Variants in UPP2 observed in about 807,000 individuals in gnomAD.
UPP2 encodes the protein uridine phosphorylase 2, also known as UPase 2.
In UPP2, 23 loss-of-function variants were observed where a neutral mutation model predicts 26.7. The ratio of observed to expected loss-of-function variants is 0.86; its 90% CI spans 0.62 to 1.22. UPP2 has a LOEUF of 1.22. Ranked by LOEUF, UPP2 falls within the 50% of genes most tolerant of loss-of-function variation. The pLI, the probability that UPP2 is intolerant of heterozygous loss-of-function variation, is 0.00. For missense variants in UPP2, 387 were observed against 396.7 expected (o/e 0.98, Z 0.21); for synonymous variants, 127 against 141.3 (o/e 0.90, Z 0.72).
At chr2:158,059,853 C>T (rs926099738) in intron 3 of UPP2, among the ~76,000 whole-genome samples, 15 of 152,218 alleles carry the variant, frequency 9.9e-5, no homozygotes, top group African/African-American at 3.6e-4. Context: ...ACCTTTCATC[C>T]TTCAAGGGCT....
intron 2 of UPP2, among the ~76,000 whole-genome samples, chr2:158,110,241 G>A (rs938821475): frequency 6.6e-6 from 1 of 152,094 alleles, no homozygotes; most frequent in African/African-American, 2.4e-5. Context: ...ACCTATGAGT[G>A]AGAACATGCG....
intron 6 of UPP2, chr2:158,134,102 T>A (rs917239580): frequency 6.6e-6 from 1 of 152,368 alleles, no homozygotes; most frequent in East Asian, 1.9e-4. Flanking sequence ...CTATAAGATT[T>A]CATTCTCATT....
At chr2:158,051,843 TA>T (rs1470817285) in intron 3 of UPP2, among the ~76,000 whole-genome samples, 2 of 152,158 alleles carry the variant, frequency 1.3e-5, no homozygotes, top group Non-Finnish European at 2.9e-5. Context: ...ATGCTATTCA[TA>T]TACAACATTT....
chr2:158,106,655 A>G (rs183149912), intron 2 of UPP2, among the ~76,000 whole-genome samples: 215 of 152,284 alleles, frequency 1.4e-3, no homozygotes, highest in African/African-American at 4.8e-3. Context: ...ATTATCTAAT[A>G]TTTCATATTA....
chr2:158,069,494 A>G (rs1486384000), intron 3 of UPP2, among the ~76,000 whole-genome samples: 1 of 152,186 alleles, frequency 6.6e-6, no homozygotes, highest in Non-Finnish European at 1.5e-5. Flanking sequence ...CTCCTACAGT[A>G]GGGGTGACTC....
In UPP2 at chr2:158,066,397, T is replaced by C. The variant is rs181048357; in HGVS notation, c.148-35643T>C. The stretch of plus-strand genomic sequence containing the variant: ...TATTTGCTTGCCAGAATCTTATCAA[T>C]ATATAAGAAAATTAGGAAGATTAGG... On this transcript the variant is annotated intron_variant, in intron 3 of 9. Transcript: ENST00000605860. Among the ~76,000 whole-genome samples, 266 of 152,340 alleles carry C rather than the reference T, an allele frequency of 1.7e-3. No homozygotes were observed. The Middle Eastern group carries it at 0.02, about 12-fold the overall frequency.
intron 3 of UPP2, among the ~76,000 whole-genome samples, chr2:158,017,264 A>C (rs1272868174): frequency 2.0e-5 from 3 of 152,122 alleles, no homozygotes; most frequent in Non-Finnish European, 4.4e-5. Context: ...ACTTTTATGG[A>C]GTGTGTCCTA....
intron 3 of UPP2, among the ~76,000 whole-genome samples, chr2:158,041,469 CTCTTT>C (rs10563166): frequency 0.29 from 43,709 of 151,766 alleles, 7,143 homozygotes; most frequent in African/African-American, 0.46. Flanking sequence ...CCCCGAGAGT[CTCTTT>C]TAATTCTCTG....
intron 3 of UPP2, among the ~76,000 whole-genome samples, chr2:158,056,502 C>A (rs540421006): frequency 6.6e-6 from 1 of 152,246 alleles, no homozygotes; most frequent in South Asian, 2.1e-4. Context: ...AATGTATTGT[C>A]TTACAGAGGC....
At position 158,041,186 on chromosome 2, in the gene UPP2, A is replaced by AT. The variant is rs569665038; in HGVS notation, c.147+25308dup. On this transcript the variant is annotated intron_variant, in intron 3 of 9. Transcript: ENST00000605860. Reference sequence around the variant, plus strand: ...AGAGAAATCACTTGAAACAAGAAGCATTTTTTTTACAATAAATGGTATTTT... The same window carrying AT: ...AGAGAAATCACTTGAAACAAGAAGCATTTTTTTTTACAATAAATGGTATTTT... 1.0e-3 allele frequency among the ~76,000 whole-genome samples: 157 copies of AT among 152,014 alleles called. 1 individual carries two copies. The South Asian group carries it at 0.016, about 15-fold the overall frequency.
Position 158,047,625 on chromosome 2 carries a change from C to CA in UPP2, c.147+31746dup, listed in dbSNP as rs565960695. Among the ~76,000 whole-genome samples the CA allele has an allele frequency of 9.2e-5, 14 of 152,022 alleles. No individual in the cohort carries two copies. The East Asian group carries it at 1.9e-3, about 21-fold the overall frequency. On this transcript the variant is annotated intron_variant, in intron 3 of 9. Coordinates refer to the UPP2 transcript ENST00000605860. The stretch of plus-strand genomic sequence containing the variant: ...AGCACCACTCCTTAGTGTCATATGT[C>CA]AAAAAAATGCACTTCATTATCAGTA...
chr2:158,016,484 A>T (rs1341279751), intron 3 of UPP2, among the ~76,000 whole-genome samples: 6 of 151,874 alleles, frequency 4.0e-5, no homozygotes, highest in Non-Finnish European at 5.9e-5. Flanking sequence ...GGGATTATAG[A>T]CACCCGCCAC....
chr2:158,054,671 T>C (rs1682219335), intron 3 of UPP2, among the ~76,000 whole-genome samples: 1 of 152,194 alleles, frequency 6.6e-6, no homozygotes, highest in African/African-American at 2.4e-5. Context: ...CACTGCCTTT[T>C]CCAGAAACAT....
chr2:158,067,522 G>T (rs1682456949), intron 3 of UPP2, among the ~76,000 whole-genome samples: 1 of 152,046 alleles, frequency 6.6e-6, no homozygotes, highest in Non-Finnish European at 1.5e-5. Flanking sequence ...AATTTGTAAA[G>T]GAATATGGAA....
At chr2:158,121,338 A>G in intron 4 of UPP2, 71 bp from the exon 5 acceptor site, 1 of 1,348,688 alleles carries the variant, frequency 7.4e-7, no homozygotes. Flanking sequence ...TACTAGAATA[A>G]GTTACATACT....
chr2:158,084,004 CT>C (rs1362877507), intron 3 of UPP2, among the ~76,000 whole-genome samples: 2 of 151,410 alleles, frequency 1.3e-5, no homozygotes, highest in Admixed American at 1.3e-4. Flanking sequence ...ATAATGACTT[CT>C]TTTCCTCTGA....
Position 158,058,885 on chromosome 2 carries a change from G to A in UPP2, c.147+42999G>A, listed in dbSNP as rs116233621. 3.1e-3 allele frequency among the ~76,000 whole-genome samples: 476 copies of A among 152,262 alleles called. 3 individuals are homozygous for A. Among genetic ancestry groups the A allele is most frequent in the African/African-American group, 0.011 (455 of 41,538 alleles). ...GGAAGCTGAGAGGGAGAAGAGAGTTGCAGGCACAATGCCTATGAAAAAGGC... is the reference window on the plus strand; with the variant it reads ...GGAAGCTGAGAGGGAGAAGAGAGTTACAGGCACAATGCCTATGAAAAAGGC... On this transcript the variant is annotated intron_variant, in intron 3 of 9. Transcript: ENST00000605860.
intron 3 of UPP2, among the ~76,000 whole-genome samples, chr2:158,091,273 T>A (rs935053468): frequency 6.6e-6 from 1 of 152,110 alleles, no homozygotes; most frequent in African/African-American, 2.4e-5. Flanking sequence ...ACTACAAAAT[T>A]GAAATTATAG....
At chr2:157,996,078 G>C (rs1683320778) in intron 2 of UPP2, among the ~76,000 whole-genome samples, 1 of 152,064 alleles carries the variant, frequency 6.6e-6, no homozygotes, top group Non-Finnish European at 1.5e-5. Context: ...AAATCTATTT[G>C]GTTTTCTCCT....
Sources: allele counts gnomAD v4.1 joint callset (sites outside exome capture counted in the v4.1 genomes callset), GRCh38; gene constraint gnomAD v4.1.1; transcripts MANE v1.5; gene names NCBI Gene and HGNC (gene_info 2026-07-23, HGNC 2026-07-21).